Variants in KLC1 observed in about 807,000 individuals in gnomAD.
KLC1 encodes the protein kinesin light chain 1.
KLC1 carries 30 observed loss-of-function variants against 84.2 expected under a neutral mutation model. The ratio of observed to expected loss-of-function variants is 0.36; its 90% CI spans 0.27 to 0.48. KLC1 has a LOEUF of 0.48. Among genes scored for constraint, KLC1 ranks in the 20% least tolerant of loss-of-function variants. The pLI, the probability that KLC1 is intolerant of heterozygous loss-of-function variation, is 0.99. For missense variants in KLC1, 499 were observed against 805.4 expected (o/e 0.62, Z 4.60); for synonymous variants, 289 against 293.3 (o/e 0.99, Z 0.15).
intron 3 of KLC1, among the ~76,000 whole-genome samples, chr14:103,660,943 T>G (rs2079229998): frequency 6.6e-6 from 1 of 152,260 alleles, no homozygotes; most frequent in African/African-American, 2.4e-5. Flanking sequence ...ACTGGTTTCG[T>G]AGGATCGGAG....
chr14:103,651,084 A>G (rs530281710), intron 1 of KLC1, among the ~76,000 whole-genome samples: 3 of 152,124 alleles, frequency 2.0e-5, no homozygotes, highest in South Asian at 4.2e-4. Flanking sequence ...ATCTCCGCTC[A>G]CTGCAACCTC....
chr14:103,670,073 C>G (rs2080246781), intron 6 of KLC1, 109 bp from the exon 7 acceptor site: 7 of 733,832 alleles, frequency 9.5e-6, no homozygotes, highest in African/African-American at 1.7e-5. Context: ...TTCTATCCGA[C>G]TAAGAATGCT....
intron 5 of KLC1, 63 bp from the exon 6 acceptor site, chr14:103,669,448 A>AAAAGAAAAGT: frequency 9.8e-7 from 1 of 1,021,870 alleles, no homozygotes. Context: ...AAAAGAAAAG[A>AAAAGAAAAGT]AAAGAAAAGA....
intron 5 of KLC1, among the ~76,000 whole-genome samples, chr14:103,663,528 T>C (rs1441106885): frequency 6.6e-6 from 1 of 152,214 alleles, no homozygotes. Flanking sequence ...CAAGACCCTG[T>C]GCAGGCGGCT....
chr14:103,645,193 G>A (rs1364332393), intron 1 of KLC1, among the ~76,000 whole-genome samples: 3 of 151,958 alleles, frequency 2.0e-5, no homozygotes, highest in East Asian at 3.9e-4. Context: ...GGCTGGTCTC[G>A]AACTCCCGAC....
intron 6 of KLC1, 128 bp from the exon 7 acceptor site, chr14:103,670,054 G>T: frequency 3.2e-6 from 2 of 633,688 alleles, no homozygotes; most frequent in Middle Eastern, 5.8e-4. Flanking sequence ...TTTAACTGAA[G>T]TCATATTGTT....
chr14:103,690,076 A>G (rs941108825), intron 14 of KLC1, among the ~76,000 whole-genome samples: 3 of 151,968 alleles, frequency 2.0e-5, no homozygotes, highest in African/African-American at 4.8e-5. Context: ...GCTACTCAGG[A>G]GGCTGAGGCA....
intron 1 of KLC1, among the ~76,000 whole-genome samples, chr14:103,650,622 A>G (rs946969141): frequency 7.3e-6 from 1 of 137,832 alleles, no homozygotes; most frequent in African/African-American, 2.8e-5. Flanking sequence ...ACTCTTGCCC[A>G]GGCTGGAGTG....
intron 13 of KLC1, 93 bp from the exon 14 acceptor site, chr14:103,686,988 G>A: frequency 1.0e-6 from 1 of 958,838 alleles, no homozygotes; most frequent in Non-Finnish European, 1.5e-6. Flanking sequence ...AAGCAGGGCG[G>A]CCTTGGTGGA....
chr14:103,629,724 C>CT (rs1555416761), intron 1 of KLC1, among the ~76,000 whole-genome samples: 1 of 152,114 alleles, frequency 6.6e-6, no homozygotes, highest in Non-Finnish European at 1.5e-5. Context: ...GTCCCCGGCC[C>CT]TTTTGCCAGC....
At chr14:103,644,377 G>A (rs2077735876) in intron 1 of KLC1, among the ~76,000 whole-genome samples, 3 of 151,504 alleles carry the variant, frequency 2.0e-5, no homozygotes. Context: ...CTCTGCCTCA[G>A]CTTCCCGAGT....
At chr14:103,695,881 T>G in intron 15 of KLC1, 1 of 985,332 alleles carries the variant, frequency 1.0e-6, no homozygotes, top group Non-Finnish European at 1.2e-6. Context: ...GGAATCTGAG[T>G]ACCTGAGTCC....
intron 5 of KLC1, among the ~76,000 whole-genome samples, chr14:103,668,131 CT>C (rs2080043006): frequency 6.6e-6 from 1 of 152,188 alleles, no homozygotes; most frequent in Non-Finnish European, 1.5e-5. Context: ...CATATACTTG[CT>C]TTGTAGATGG....
chr14:103,656,786 T>G (rs569093166), intron 2 of KLC1, among the ~76,000 whole-genome samples: 6 of 152,366 alleles, frequency 3.9e-5, no homozygotes, highest in Non-Finnish European at 1.5e-5. Flanking sequence ...TTCTGGAGTT[T>G]CAGGTTTTAA....
chr14:103,640,945 T>C (rs938314155), intron 1 of KLC1, among the ~76,000 whole-genome samples: 4 of 152,104 alleles, frequency 2.6e-5, no homozygotes, highest in Non-Finnish European at 5.9e-5. Flanking sequence ...TTTTTTCTTT[T>C]GAGACAAAGT....
At chr14:103,642,069 T>TA (rs1172282138) in intron 1 of KLC1, among the ~76,000 whole-genome samples, 6 of 152,128 alleles carry the variant, frequency 3.9e-5, no homozygotes, top group African/African-American at 1.4e-4. Context: ...TAGCTGGGAT[T>TA]ACAGGCATGC....
intron 7 of KLC1, among the ~76,000 whole-genome samples, chr14:103,671,531 G>A (rs1051984906): frequency 4.6e-5 from 7 of 151,350 alleles, no homozygotes; most frequent in African/African-American, 7.4e-5. Flanking sequence ...CACAACACCC[G>A]GCTAATTTTT....
Position 103,670,070 on chromosome 14 carries a change from C to T in KLC1, c.886-112C>T, listed in dbSNP as rs748558259. 6.9e-5 allele frequency: 49 copies of T among 711,794 alleles called. 1 individual carries two copies. Among genetic ancestry groups the T allele is most frequent in the South Asian group, 2.1e-4 (10 of 47,546 alleles). 44.1% of individuals were successfully genotyped at this position (711,794 alleles called of 1,614,324 possible). A position where few individuals can be genotyped will look rare whatever the true frequency, so the allele number is the denominator to read the frequency against. On this transcript the variant is annotated intron_variant, in intron 6 of 16. Coordinates refer to ENST00000334553, the MANE Select transcript of KLC1 (RefSeq NM_001394837.1). ...TTAACTGAAGTCATATTGTTCTATCCGACTAAGAATGCTTTACTGTATAGA... is the reference window on the plus strand; with the variant it reads ...TTAACTGAAGTCATATTGTTCTATCTGACTAAGAATGCTTTACTGTATAGA...
intron 1 of KLC1, among the ~76,000 whole-genome samples, chr14:103,631,300 T>G (rs2076666483): frequency 6.6e-6 from 1 of 152,184 alleles, no homozygotes; most frequent in Admixed American, 6.6e-5. Flanking sequence ...CAGGTTGGTC[T>G]TGATCTCCTG....
Sources: gnomAD v4.1 joint callset for allele counts (sites outside exome capture counted in the v4.1 genomes callset) on GRCh38, gnomAD v4.1.1 for gene constraint, MANE v1.5 for transcripts, NCBI Gene and HGNC (gene_info 2026-07-23, HGNC 2026-07-21) for gene names.